ABLIM1: variants seen among roughly 807,000 people sequenced by gnomAD.
ABLIM1 encodes the protein actin-binding LIM protein 1.
Under a neutral mutation model 107.0 loss-of-function variants are expected in ABLIM1, and 40 were observed. The observed-to-expected ratio is 0.37, with a 90% CI of 0.29 to 0.49. The LOEUF is 0.49. ABLIM1 is among the 20% of genes least tolerant of loss of function. The pLI is 0.97. For missense variants in ABLIM1, 857 were observed against 1,008.5 expected, an observed-to-expected ratio of 0.85 and a Z score of 2.04; for synonymous variants, 357 against 357.3, an observed-to-expected ratio of 1.00 and a Z score of 0.01.
At chr10:114,667,295 C>A (rs143405474) in intron 1 of ABLIM1, among the ~76,000 whole-genome samples, 1 of 152,162 alleles carries the variant, frequency 6.6e-6, no homozygotes, top group African/African-American at 2.4e-5. Flanking sequence ...TGAACCACTG[C>A]AAAAGTGACC....
the ABLIM1 span, among the ~76,000 whole-genome samples, chr10:114,795,312 G>A: frequency 2.6e-5 from 4 of 152,148 alleles, no homozygotes; most frequent in Non-Finnish European, 5.9e-5. Flanking sequence ...CTCATTCACC[G>A]CACAAAAAGG....
chr10:114,441,067 G>C lies in ABLIM1; in HGVS notation c.2009C>G (p.Thr670Ser), dbSNP rs1018774526. ...ATAGCTGTTATACTGAGCGAAGTCGGTAGAAACAGGCTGAAATGAGGAAAA... is the reference window on the plus strand; with the variant it reads ...ATAGCTGTTATACTGAGCGAAGTCGCTAGAAACAGGCTGAAATGAGGAAAA... ...GRNGLHRPVS[T>S]DFAQYNSYGD... is the part of the protein sequence containing the mutation. The change falls in exon 19 of 23, where the codon ACC (threonine) becomes AGC (serine). Residue 670 changes from threonine to serine, a missense_variant. Around this residue, in one of 5 missense-constraint regions of ABLIM1, gnomAD observed 193 missense variants for 208.5 expected, o/e 0.93. Transcript: ENST00000533213. 8.2e-6 allele frequency: 13 copies of C among 1,583,496 alleles called. No individual in the cohort carries two copies. The highest frequency in any genetic ancestry group is 1.1e-5 in the Non-Finnish European group (13 of 1,163,412).
intron 1 of ABLIM1, among the ~76,000 whole-genome samples, chr10:114,623,314 G>A (rs982477917): frequency 6.6e-6 from 1 of 152,276 alleles, no homozygotes; most frequent in African/African-American, 2.4e-5. Context: ...CCATGAAAAA[G>A]TAACTTAAAC....
chr10:114,567,925 T>C (rs2071003604), intron 4 of ABLIM1, among the ~76,000 whole-genome samples: 1 of 151,274 alleles, frequency 6.6e-6, no homozygotes, highest in African/African-American at 2.4e-5. Flanking sequence ...GCGCGGTGGC[T>C]CACGCCTGTA....
At position 114,683,011 on chromosome 10, in the gene ABLIM1, C is replaced by T. The variant is rs978246630; in HGVS notation, c.64+1279G>A. Among the ~76,000 whole-genome samples, 6 of 152,260 alleles carry T rather than the reference C, an allele frequency of 3.9e-5. No homozygotes were observed. In the East Asian group the frequency reaches 9.6e-4, roughly 24 times the overall value. ...ATATTCTAATTTTATCACTAGGACC[C>T]CATTCAGTTGGAAAAGACATAGCAT... On this transcript the variant is annotated intron_variant, in intron 1 of 23. Transcript: ENST00000369256.
intron 12 of ABLIM1, among the ~76,000 whole-genome samples, chr10:114,458,514 C>T (rs1255811196): frequency 1.3e-5 from 2 of 152,166 alleles, no homozygotes; most frequent in Non-Finnish European, 2.9e-5. Flanking sequence ...TTTCTGGACT[C>T]AGAGTGCTTA....
chr10:114,504,999 C>A (rs1173453225), intron 6 of ABLIM1, among the ~76,000 whole-genome samples: 2 of 149,382 alleles, frequency 1.3e-5, no homozygotes, highest in Non-Finnish European at 3.0e-5. Flanking sequence ...CATTTTCTTT[C>A]CAAACACTTA....
chr10:114,548,806 G>A (rs1038169207), intron 4 of ABLIM1, among the ~76,000 whole-genome samples: 1 of 152,174 alleles, frequency 6.6e-6, no homozygotes, highest in African/African-American at 2.4e-5. Flanking sequence ...CGTGTTCCAA[G>A]CTGATCAGAC....
chr10:114,439,131 G>A, intron 21 of ABLIM1, 45 bp downstream of exon 21: 6 of 1,602,374 alleles, frequency 3.7e-6, no homozygotes, highest in Non-Finnish European at 5.1e-6. Flanking sequence ...TCTGTTTAGG[G>A]TTACGCCATT....
At chr10:114,774,548 G>A in the ABLIM1 span, among the ~76,000 whole-genome samples, 2 of 152,202 alleles carry the variant, frequency 1.3e-5, no homozygotes, top group Non-Finnish European at 2.9e-5. Flanking sequence ...CACATATACC[G>A]GGTGAAGTTC....
chr10:114,711,877 C>G (rs1050192706), intron 1 of ABLIM1, among the ~76,000 whole-genome samples: 6 of 152,118 alleles, frequency 3.9e-5, no homozygotes, highest in African/African-American at 1.4e-4. Flanking sequence ...AAGTGCCCCC[C>G]GCACCAACTG....
chr10:114,608,511 A>G (rs1433267567), intron 1 of ABLIM1, among the ~76,000 whole-genome samples: 1 of 151,800 alleles, frequency 6.6e-6, no homozygotes, highest in East Asian at 1.9e-4. Context: ...CTCTACTGAA[A>G]ATACAAAATT....
At chr10:114,748,709 T>G (rs550126931) in intron 1 of ABLIM1, among the ~76,000 whole-genome samples, 1 of 149,958 alleles carries the variant, frequency 6.7e-6, no homozygotes, top group Non-Finnish European at 1.5e-5. Flanking sequence ...CAGACTGGAG[T>G]GCAGTGACAT....
Position 114,726,647 on chromosome 10 carries a change from T to C in ABLIM1, c.-213+41414A>G, listed in dbSNP as rs561143870. The stretch of plus-strand genomic sequence containing the variant: ...AATACAAAAAATTAGCTGAGCGTGG[T>C]GGCGGGCAACTGTAATTCCAGCTAT... On this transcript the variant is annotated intron_variant, in intron 1 of 15. Coordinates refer to the ABLIM1 transcript ENST00000651092. Among the ~76,000 whole-genome samples the C allele has an allele frequency of 3.3e-5, 5 of 152,172 alleles. No individual in the cohort carries two copies. The East Asian group carries it at 5.8e-4, about 18-fold the overall frequency.
chr10:114,768,119 GC>G, upstream of ABLIM1: 2 of 395,460 alleles, frequency 5.1e-6, no homozygotes, highest in East Asian at 1.2e-4. Context: ...GGACAGCCCC[GC>G]AGGGCGCGGG....
chr10:114,545,137 C>T, intron 5 of ABLIM1, 39 bp from the exon 6 acceptor site: 1 of 1,592,414 alleles, frequency 6.3e-7, no homozygotes, highest in Non-Finnish European at 8.6e-7. Flanking sequence ...GAGGAGGTGG[C>T]CAGGGGCTGG....
upstream of ABLIM1, among the ~76,000 whole-genome samples, chr10:114,688,942 T>C (rs1316978122): frequency 6.6e-6 from 1 of 152,200 alleles, no homozygotes; most frequent in Non-Finnish European, 1.5e-5. Flanking sequence ...TCAAAGACTG[T>C]ATGTGTGCAG....
intron 2 of ABLIM1, among the ~76,000 whole-genome samples, chr10:114,598,949 C>A (rs887302055): frequency 4.6e-5 from 7 of 152,026 alleles, no homozygotes; most frequent in African/African-American, 1.7e-4. Flanking sequence ...AAGCACTTCA[C>A]CCTTGCAAGT....
At chr10:114,762,062 C>T (rs2082760891) in intron 1 of ABLIM1, among the ~76,000 whole-genome samples, 1 of 151,826 alleles carries the variant, frequency 6.6e-6, no homozygotes. Context: ...GAGATGGAGT[C>T]TCACTTTGTC....
Sources: allele counts gnomAD v4.1 joint callset (sites outside exome capture counted in the v4.1 genomes callset), GRCh38; gene constraint gnomAD v4.1.1; regional missense constraint gnomAD v4.1.1; transcripts MANE v1.5; gene names NCBI Gene and HGNC (gene_info 2026-07-23, HGNC 2026-07-21).